The following SORL1 variants were observed in gnomAD, a reference collection of about 807,000 sequenced individuals.
The protein encoded by SORL1 is sortilin related receptor 1, also known as sortilin-related receptor.
A neutral mutation model predicts 273.7 loss-of-function variants in SORL1; 127 were observed. That is an observed-to-expected ratio of 0.46 (90% CI 0.40 to 0.54). SORL1 has a LOEUF of 0.54. SORL1 is among the 20% of genes least tolerant of loss of function. The pLI is 0.00. For synonymous variants in SORL1, 1,031 were observed against 1,067.4 expected (o/e 0.97, Z 0.66); for missense variants, 2,494 against 2,846.1 (o/e 0.88, Z 2.81).
chr11:121,473,667 G>A (rs1195870737), intron 2 of SORL1, among the ~76,000 whole-genome samples: 5 of 152,194 alleles, frequency 3.3e-5, no homozygotes, highest in Non-Finnish European at 7.4e-5. Flanking sequence ...GGCCGAGGCG[G>A]GTGGATCATT....
chr11:121,488,227 C>T, intron 4 of SORL1, 34 bp downstream of exon 4: 1 of 1,606,068 alleles, frequency 6.2e-7, no homozygotes, highest in Non-Finnish European at 8.5e-7. Flanking sequence ...TTGCATGGGG[C>T]TCCTCTAGTT....
intron 41 of SORL1, among the ~76,000 whole-genome samples, chr11:121,618,452 T>C (rs1390532855): frequency 1.3e-5 from 2 of 151,650 alleles, no homozygotes; most frequent in East Asian, 2.0e-4. Flanking sequence ...TGGCTCATCA[T>C]GTGGGTTTCT....
chr11:121,511,583 C>G (rs1458509818), intron 6 of SORL1, among the ~76,000 whole-genome samples: 1 of 152,164 alleles, frequency 6.6e-6, no homozygotes, highest in African/African-American at 2.4e-5. Flanking sequence ...TCCATCATTT[C>G]CTACGGCCCT....
intron 44 of SORL1, 88 bp from the exon 45 acceptor site, chr11:121,622,074 C>T: frequency 1.3e-6 from 1 of 770,220 alleles, no homozygotes; most frequent in Non-Finnish European, 2.2e-6. Flanking sequence ...CCAAGGCTAG[C>T]ATTATTTAAT....
chr11:121,628,793 C>T (rs886391118), intron 47 of SORL1: 27 of 152,220 alleles, frequency 1.8e-4, no homozygotes, highest in African/African-American at 6.3e-4. Flanking sequence ...AATTATATAT[C>T]TATGTTTATA....
At chr11:121,468,294 G>A (rs1308980740) in intron 1 of SORL1, among the ~76,000 whole-genome samples, 1 of 152,176 alleles carries the variant, frequency 6.6e-6, no homozygotes, top group East Asian at 1.9e-4. Flanking sequence ...TTCCTTCCAC[G>A]TGTGCCTCAG....
chr11:121,576,707 G>GC, intron 24 of SORL1: 1 of 1,417,840 alleles, frequency 7.1e-7, no homozygotes, highest in Non-Finnish European at 9.2e-7. Flanking sequence ...TTCTTACCAG[G>GC]CCCCCACCCT....
In SORL1 at chr11:121,618,834, A is replaced by C. The variant is rs751110498; in HGVS notation, c.5665A>C (p.Thr1889Pro). The C allele has an allele frequency of 1.2e-5, 19 of 1,613,970 alleles. No individual in the cohort carries two copies. In the East Asian group the frequency reaches 3.8e-4, roughly 32 times the overall value. The stretch of plus-strand genomic sequence containing the variant: ...CCTCTATCGCAACCCGAAGAGCTTG[A>C]CTACTTCACTCCACAACAAGACGGT... The part of the protein sequence containing the change: ...LDLYRNPKSL[T>P]TSLHNKTVIV... Residue 1889 changes from threonine to proline, a missense_variant, in exon 42 of 48, where the codon ACT becomes CCT. By Grantham distance (38) the Thr-to-Pro change is conservative. Transcript: ENST00000260197.
intron 1 of SORL1, among the ~76,000 whole-genome samples, chr11:121,457,731 T>C (rs1356256789): frequency 1.3e-5 from 2 of 152,206 alleles, no homozygotes; most frequent in East Asian, 3.8e-4. Flanking sequence ...GGAGAGATGC[T>C]GGAGCACAGT....
chr11:121,483,922 A>C (rs1476943604), intron 3 of SORL1, among the ~76,000 whole-genome samples: 4 of 152,126 alleles, frequency 2.6e-5, no homozygotes, highest in African/African-American at 2.4e-5. Context: ...AAGGATGGAC[A>C]TGTGACCCCA....
chr11:121,587,236 C>T (rs1863129617), intron 27 of SORL1, among the ~76,000 whole-genome samples: 1 of 152,156 alleles, frequency 6.6e-6, no homozygotes, highest in Non-Finnish European at 1.5e-5. Context: ...TATAGATTTA[C>T]TTTAAGGAAC....
chr11:121,519,457 G>T (rs1862005469), intron 8 of SORL1, among the ~76,000 whole-genome samples: 1 of 151,104 alleles, frequency 6.6e-6, no homozygotes, highest in African/African-American at 2.4e-5. Flanking sequence ...GCCCAGGCTG[G>T]TTGGAGTGCA....
At chr11:121,509,600 C>T (rs1000957957) in intron 6 of SORL1, among the ~76,000 whole-genome samples, 1 of 152,132 alleles carries the variant, frequency 6.6e-6, no homozygotes, top group Non-Finnish European at 1.5e-5. Context: ...TCTCAGCCTC[C>T]CGAGTAGCTG....
intron 5 of SORL1, among the ~76,000 whole-genome samples, chr11:121,491,952 T>C (rs1047002008): frequency 6.6e-6 from 1 of 152,232 alleles, no homozygotes. Context: ...CTGCCTAAAA[T>C]GCTGTTACCA....
In SORL1 at chr11:121,478,229, G is replaced by A. The variant is rs1861310604; in HGVS notation, c.514G>A (p.Ala172Thr). 8 of 1,614,042 alleles carry A rather than the reference G, an allele frequency of 5.0e-6. No homozygotes were observed. The highest frequency in any genetic ancestry group is 6.8e-6 in the Non-Finnish European group (8 of 1,180,004). ...AVIAQFYHSP[A>T]DNKRYIFADA... ...TATCGCCCAGTTCTACCACAGCCCT[G>A]CGGACAACAAGCGGGTAAGGAAGTG... is the stretch of plus-strand genomic sequence containing the variant. Residue 172 changes from alanine to threonine, a missense_variant, in exon 3 of 48, where the codon GCG becomes ACG. Around this residue, in one of 3 missense-constraint regions of SORL1, gnomAD observed 710 missense variants for 882.5 expected, o/e 0.80. Coordinates refer to ENST00000260197, the MANE Select transcript of SORL1 (RefSeq NM_003105.6).
intron 8 of SORL1, among the ~76,000 whole-genome samples, chr11:121,515,709 TGGTGCAATCTTG>T (rs1402047055): frequency 6.6e-6 from 1 of 152,202 alleles, no homozygotes; most frequent in African/African-American, 2.4e-5. Flanking sequence ...TGGAGTGCAG[TGGTGCAATCTTG>T]GGTCACTGCA....
At chr11:121,504,690 T>C (rs1023612269) in intron 6 of SORL1, among the ~76,000 whole-genome samples, 1 of 152,146 alleles carries the variant, frequency 6.6e-6, no homozygotes, top group Non-Finnish European at 1.5e-5. Context: ...ATTTATTTAT[T>C]TTTTTGCCCA....
chr11:121,543,454 C>CCCTG (rs752970640), intron 12 of SORL1, 94 bp from the exon 13 acceptor site: 54 of 986,012 alleles, frequency 5.5e-5, no homozygotes, highest in Middle Eastern at 2.3e-4. Context: ...CTCCAAGGAG[C>CCCTG]CCTGGTTCCT....
At chr11:121,564,927 A>G (rs986111768) in intron 21 of SORL1, among the ~76,000 whole-genome samples, 1 of 152,164 alleles carries the variant, frequency 6.6e-6, no homozygotes, top group African/African-American at 2.4e-5. Context: ...AGGATCTTGG[A>G]ACATTGAGTG....
Sources: allele counts gnomAD v4.1 joint callset (sites outside exome capture counted in the v4.1 genomes callset), GRCh38; gene constraint gnomAD v4.1.1; regional missense constraint gnomAD v4.1.1; transcripts MANE v1.5; gene names NCBI Gene and HGNC (gene_info 2026-07-23, HGNC 2026-07-21).